The following NSF variants were observed in gnomAD, a reference collection of about 807,000 sequenced individuals.
The protein encoded by NSF is N-ethylmaleimide sensitive factor, vesicle fusing ATPase.
NSF carries 14 observed loss-of-function variants against 50.3 expected under a neutral mutation model. That is an observed-to-expected ratio of 0.28 (90% CI 0.18 to 0.44). The LOEUF is 0.44. NSF is among the 20% of genes least tolerant of loss of function. The pLI, the probability that NSF is intolerant of heterozygous loss-of-function variation, is 1.00. For synonymous variants in NSF, 109 were observed against 175.7 expected, an observed-to-expected ratio of 0.62 and a Z score of 3.00; for missense variants, 218 against 504.3, an observed-to-expected ratio of 0.43 and a Z score of 5.44.
At chr17:46,721,755 C>G (rs1485359049) in intron 15 of NSF, 2 of 1,604,288 alleles carry the variant, frequency 1.2e-6, no homozygotes, top group South Asian at 2.2e-5. Flanking sequence ...CCCACAATTT[C>G]GCTTGGGAAG....
intron 14 of NSF, among the ~76,000 whole-genome samples, chr17:46,712,685 C>T (rs555830320): frequency 6.6e-6 from 1 of 152,126 alleles, no homozygotes; most frequent in East Asian, 1.9e-4. Context: ...TGGGAGTGAA[C>T]GAAATCACTT....
chr17:46,623,274 C>T (rs1378174571), intron 1 of NSF, among the ~76,000 whole-genome samples: 1 of 18,870 alleles, frequency 5.3e-5, no homozygotes, highest in African/African-American at 3.5e-4. Flanking sequence ...GCCGAGATCA[C>T]GCCACTGCAC....
chr17:46,722,151 G>A, intron 15 of NSF: 1 of 1,611,868 alleles, frequency 6.2e-7, no homozygotes, highest in East Asian at 2.2e-5. Context: ...CACGATCTTG[G>A]CGCTCGAACT....
intron 8 of NSF, among the ~76,000 whole-genome samples, chr17:46,657,838 T>C (rs1215100283): frequency 2.7e-5 from 2 of 72,806 alleles, no homozygotes; most frequent in Non-Finnish European, 4.6e-5. Context: ...TCTGTGGAAG[T>C]TGAGAGTGAT....
intron 14 of NSF, chr17:46,713,416 A>C (rs1044404478): frequency 2.6e-5 from 4 of 156,688 alleles, no homozygotes; most frequent in African/African-American, 9.6e-5. Context: ...TTAGAATTCT[A>C]ACTTTTTACA....
In NSF at chr17:46,640,149, GA is replaced by G; in HGVS notation, c.505del (p.Arg169GlyfsTer6). ...TCCTGAAGGGAGAGCCTGCGACAGG[GA>G]AAAGGCAGAAGGTAGCTTTTATTTC... ...SILKGEPATG[K>X]RQKIEVGLVV... On this transcript the variant is annotated frameshift_variant, in exon 6 of 21. Transcript: ENST00000398238. LOFTEE classifies it high-confidence loss of function. 2 of 139,336 alleles carry G rather than the reference GA, an allele frequency of 1.4e-5. No homozygotes were observed. The highest frequency in any genetic ancestry group is 5.1e-4 in the East Asian group (1 of 1,942). 8.6% of individuals were successfully genotyped at this position (139,336 alleles called of 1,614,324 possible). A position where few individuals can be genotyped will look rare whatever the true frequency, so the allele number is the denominator to read the frequency against.
At chr17:46,695,194 T>C (rs1385344730) in intron 12 of NSF, among the ~76,000 whole-genome samples, 10 of 119,948 alleles carry the variant, frequency 8.3e-5, no homozygotes, top group African/African-American at 3.5e-4. Context: ...TGAAGTGAGC[T>C]GAGATTGCGC....
intron 17 of NSF, among the ~76,000 whole-genome samples, chr17:46,734,441 T>G (rs1190627067): frequency 6.6e-6 from 1 of 152,140 alleles, no homozygotes; most frequent in Non-Finnish European, 1.5e-5. Context: ...TCTTAGTAAG[T>G]CAGTGACATT....
intron 4 of NSF, among the ~76,000 whole-genome samples, chr17:46,635,816 T>TGTGTGTGTGTGC (rs1555669125): frequency 7.1e-6 from 1 of 140,608 alleles, no homozygotes; most frequent in East Asian, 1.9e-4. Context: ...TGTGTGTGTG[T>TGTGTGTGTGTGC]GTGCTCGTGT....
chr17:46,752,046 G>A (rs2059186396), intron 19 of NSF, among the ~76,000 whole-genome samples: 3 of 152,142 alleles, frequency 2.0e-5, no homozygotes, highest in African/African-American at 7.2e-5. Flanking sequence ...TATACCAAAC[G>A]GTGTCTGGGA....
Position 46,602,847 on chromosome 17 carries a change from A to G in NSF, c.12+12060A>G, listed in dbSNP as rs1219101451. Among the ~76,000 whole-genome samples the G allele has an allele frequency of 2.3e-5, 3 of 131,922 alleles. No individual in the cohort carries two copies. The East Asian group carries it at 6.4e-4, about 28-fold the overall frequency. 86.5% of individuals were successfully genotyped at this position (131,922 alleles called of 152,430 possible). On this transcript the variant is annotated intron_variant, in intron 1 of 20. Transcript: ENST00000398238. ...TGAGAATAGAGCCTGGTGTGGGGAT[A>G]TTATGATTCTTGAATGGTTGAACAA...
At chr17:46,704,928 A>G in intron 13 of NSF, 74 bp downstream of exon 13, 1 of 1,475,536 alleles carries the variant, frequency 6.8e-7, no homozygotes, top group Non-Finnish European at 9.2e-7. Context: ...AGTAAGTGCC[A>G]TTTACTCAGT....
At chr17:46,752,840 C>T (rs2059194951) in intron 19 of NSF, among the ~76,000 whole-genome samples, 1 of 152,076 alleles carries the variant, frequency 6.6e-6, no homozygotes. Context: ...GATCTCGGCT[C>T]ACTGCAGCTT....
chr17:46,713,786 A>T lies in NSF; in HGVS notation c.1628-67A>T, dbSNP rs550293010. On this transcript the variant is annotated intron_variant, in intron 14 of 20. Coordinates refer to ENST00000398238, the MANE Select transcript of NSF (RefSeq NM_006178.4). ...CTCAGTATGTTCTGGATAAAAGTTT[A>T]AACTTGTTTTATTTCCCTTTGCTTA... 1.5e-4 allele frequency: 228 copies of T among 1,521,928 alleles called. No homozygotes were observed. The Middle Eastern group carries it at 3.1e-3, about 20-fold the overall frequency. 94.3% of individuals were successfully genotyped at this position (1,521,928 alleles called of 1,614,324 possible). A position where few individuals can be genotyped will look rare whatever the true frequency, so the allele number is the denominator to read the frequency against.
chr17:46,710,500 T>G (rs2058708735), intron 13 of NSF, among the ~76,000 whole-genome samples: 1 of 152,228 alleles, frequency 6.6e-6, no homozygotes, highest in African/African-American at 2.4e-5. Flanking sequence ...ACAAAGTTGA[T>G]GTGAACATGA....
chr17:46,741,803 G>A (rs912359685), intron 17 of NSF, among the ~76,000 whole-genome samples: 3 of 152,116 alleles, frequency 2.0e-5, no homozygotes, highest in African/African-American at 7.2e-5. Flanking sequence ...TTTTGCTCTT[G>A]TTGCCCAGGC....
At chr17:46,734,714 C>CAT (rs942360293) in intron 17 of NSF, among the ~76,000 whole-genome samples, 2 of 151,914 alleles carry the variant, frequency 1.3e-5, no homozygotes, top group African/African-American at 2.4e-5. Context: ...TATTAAAGAA[C>CAT]ATATATATAT....
intron 15 of NSF, among the ~76,000 whole-genome samples, chr17:46,725,914 A>G (rs912126245): frequency 6.6e-6 from 1 of 152,190 alleles, no homozygotes; most frequent in Non-Finnish European, 1.5e-5. Flanking sequence ...TAATTCTTCT[A>G]TCTGATTTGA....
At chr17:46,734,226 A>T (rs1388408325) in intron 17 of NSF, among the ~76,000 whole-genome samples, 3 of 152,226 alleles carry the variant, frequency 2.0e-5, no homozygotes, top group Non-Finnish European at 4.4e-5. Context: ...AGGCCTAAAC[A>T]TGAGTATCTC....
Sources: gnomAD v4.1 joint callset for allele counts (sites outside exome capture counted in the v4.1 genomes callset) on GRCh38, gnomAD v4.1.1 for gene constraint, MANE v1.5 for transcripts, NCBI Gene and HGNC (gene_info 2026-07-23, HGNC 2026-07-21) for gene names.